BCAS3: variants seen among roughly 807,000 people sequenced by gnomAD.
BCAS3 encodes BCAS3 microtubule associated cell migration factor.
A neutral mutation model predicts 116.1 loss-of-function variants in BCAS3; 53 were observed. The observed-to-expected ratio is 0.46, with a 90% confidence interval of 0.37 to 0.57. BCAS3 has a LOEUF of 0.57. BCAS3 is among the 20% of genes least tolerant of loss of function. The pLI, the probability that BCAS3 is intolerant of heterozygous loss-of-function variation, is 0.00. For missense variants in BCAS3, 917 were observed against 1,165.4 expected (o/e 0.79, Z 3.10); for synonymous variants, 391 against 408.2 (o/e 0.96, Z 0.51).
intron 6 of BCAS3, among the ~76,000 whole-genome samples, chr17:60,756,057 C>T (rs1398977548): frequency 6.6e-6 from 1 of 151,998 alleles, no homozygotes; most frequent in African/African-American, 2.4e-5. Flanking sequence ...CTTAGTGGCC[C>T]CAACCTTTTT....
chr17:60,762,103 A>T (rs1215455506), intron 6 of BCAS3, among the ~76,000 whole-genome samples: 1 of 152,108 alleles, frequency 6.6e-6, no homozygotes, highest in African/African-American at 2.4e-5. Context: ...GGTTCTAGAT[A>T]TTAGCCCTTT....
At chr17:60,877,069 T>C (rs1451114103) in intron 9 of BCAS3, among the ~76,000 whole-genome samples, 1 of 152,094 alleles carries the variant, frequency 6.6e-6, no homozygotes, top group Non-Finnish European at 1.5e-5. Context: ...AGTGCTTCTC[T>C]GTCAACAGTT....
intron 4 of BCAS3, among the ~76,000 whole-genome samples, chr17:60,692,617 C>T (rs991780421): frequency 2.0e-5 from 3 of 149,312 alleles, no homozygotes; most frequent in Non-Finnish European, 4.4e-5. Context: ...ACCTGTAGTC[C>T]CAGCTACTCA....
chr17:61,129,911 G>T (rs2076240913), intron 22 of BCAS3, among the ~76,000 whole-genome samples: 1 of 152,194 alleles, frequency 6.6e-6, no homozygotes, highest in Admixed American at 6.5e-5. Flanking sequence ...CTTAATTACA[G>T]AATTTCAAAG....
intron 22 of BCAS3, among the ~76,000 whole-genome samples, chr17:61,193,757 CAAAAAAAAAAAAAAAAAAA>C (rs59810014): frequency 3.8e-4 from 20 of 52,330 alleles, no homozygotes; most frequent in Middle Eastern, 0.019. Context: ...AACTCCATCT[CAAAAAAAAAAAAAAAAAAA>C]AAAAAAAAAG....
intron 5 of BCAS3, among the ~76,000 whole-genome samples, chr17:60,741,799 C>G (rs970888918): frequency 6.6e-6 from 1 of 152,102 alleles, no homozygotes; most frequent in African/African-American, 2.4e-5. Flanking sequence ...AAAATTAAAT[C>G]TACAAAAGAT....
chr17:60,989,188 G>C (rs2063365337), intron 14 of BCAS3, among the ~76,000 whole-genome samples: 1 of 152,066 alleles, frequency 6.6e-6, no homozygotes, highest in Non-Finnish European at 1.5e-5. Flanking sequence ...AGTCAGTGTA[G>C]AAAACTTAAG....
chr17:61,169,718 G>A (rs565440849), intron 22 of BCAS3, among the ~76,000 whole-genome samples: 4 of 152,266 alleles, frequency 2.6e-5, no homozygotes, highest in Middle Eastern at 3.4e-3. Flanking sequence ...CAGTGGTGGT[G>A]GTGATAAGAT....
intron 7 of BCAS3, among the ~76,000 whole-genome samples, chr17:60,853,613 A>C (rs1470116589): frequency 2.0e-5 from 3 of 152,248 alleles, no homozygotes; most frequent in Non-Finnish European, 4.4e-5. Context: ...TAACATTTTT[A>C]TATCTAGCCT....
intron 23 of BCAS3, among the ~76,000 whole-genome samples, chr17:61,382,612 C>T (rs528868946): frequency 1.2e-4 from 18 of 151,196 alleles, no homozygotes; most frequent in Non-Finnish European, 2.5e-4. Context: ...GCTGAGATTG[C>T]ACCACTGCAC....
In BCAS3 at chr17:61,115,328, T is replaced by C. The variant is rs1055732815; in HGVS notation, c.2425+30764T>C. 1.2e-4 allele frequency among the ~76,000 whole-genome samples: 18 copies of C among 152,286 alleles called. No homozygotes were observed. In the East Asian group the frequency reaches 2.9e-3, roughly 25 times the overall value. On this transcript the variant is annotated intron_variant, in intron 22 of 23. Coordinates refer to ENST00000407086, the MANE Select transcript of BCAS3 (RefSeq NM_017679.5). ...AACCTACAAAATTGGAGAAAATTTT[T>C]GCAACCTACTCATCTGACAAAGGGC...
Position 60,709,337 on chromosome 17 carries a change from T to C in BCAS3, c.321+12T>C, listed in dbSNP as rs1305604247. The C allele has an allele frequency of 7.0e-7, 1 of 1,427,984 alleles. No homozygotes were observed. The highest frequency in any genetic ancestry group is 9.9e-7 in the Non-Finnish European group (1 of 1,014,052). 88.5% of individuals were successfully genotyped at this position (1,427,984 alleles called of 1,614,324 possible). A position where few individuals can be genotyped will look rare whatever the true frequency, so the allele number is the denominator to read the frequency against. On this transcript the variant is annotated intron_variant, in intron 5 of 23. Coordinates refer to ENST00000407086, the MANE Select transcript of BCAS3 (RefSeq NM_017679.5). ...TCTGGAGCATCCCTGTAAGTACACA[T>C]GTGGTTGAATACCTAAAACATACTT...
chr17:61,091,464 C>CA, intron 22 of BCAS3, among the ~76,000 whole-genome samples: 1 of 152,340 alleles, frequency 6.6e-6, no homozygotes, highest in South Asian at 2.1e-4. Flanking sequence ...GTCTTAGTGA[C>CA]ATGAGTGTCA....
chr17:61,389,267 C>T (rs2060010036), intron 23 of BCAS3: 1 of 151,728 alleles, frequency 6.6e-6, no homozygotes, highest in Admixed American at 6.4e-5. Flanking sequence ...TACATGAACA[C>T]AGGCCCAGAG....
intron 7 of BCAS3, chr17:60,810,429 C>T (rs1598870565): frequency 1.1e-5 from 6 of 557,632 alleles, no homozygotes; most frequent in East Asian, 3.9e-5. Flanking sequence ...AAAGCCTGGA[C>T]GATTGCCTGG....
intron 22 of BCAS3, among the ~76,000 whole-genome samples, chr17:61,179,091 T>TA (rs34275848): frequency 4.0e-5 from 6 of 150,862 alleles, no homozygotes; most frequent in Non-Finnish European, 7.4e-5. Flanking sequence ...CATTTTTTAT[T>TA]AAAAAAAAAT....
intron 22 of BCAS3, among the ~76,000 whole-genome samples, chr17:61,100,840 ACT>A (rs1269081366): frequency 6.6e-6 from 1 of 151,296 alleles, no homozygotes; most frequent in Non-Finnish European, 1.5e-5. Context: ...CATAAATTAA[ACT>A]CTGTTTTTAA....
intron 22 of BCAS3, among the ~76,000 whole-genome samples, chr17:61,234,244 A>C (rs757959267): frequency 6.6e-6 from 1 of 152,126 alleles, no homozygotes; most frequent in Non-Finnish European, 1.5e-5. Flanking sequence ...CCCACTGAGT[A>C]CTAGGATACA....
At chr17:61,044,463 A>T (rs568875080) in intron 19 of BCAS3, among the ~76,000 whole-genome samples, 3,673 of 124,896 alleles carry the variant, frequency 0.029, 78 homozygotes, top group South Asian at 0.038. Context: ...AAAAAAAAAA[A>T]AAATATATAT....
Sources: gnomAD v4.1 joint callset for allele counts (sites outside exome capture counted in the v4.1 genomes callset) on GRCh38, gnomAD v4.1.1 for gene constraint, MANE v1.5 for transcripts, NCBI Gene and HGNC (gene_info 2026-07-23, HGNC 2026-07-21) for gene names.